Variants in CBX5 observed in about 807,000 individuals in gnomAD.
The protein encoded by CBX5 is chromobox protein homolog 5.
A neutral mutation model predicts 20.7 loss-of-function variants in CBX5; 7 were observed. The ratio of observed to expected loss-of-function variants is 0.34; its 90% CI spans 0.19 to 0.63. The LOEUF (loss-of-function observed/expected upper bound fraction) is 0.63. Ranked by LOEUF, CBX5 falls within the 30% of genes least tolerant of loss-of-function variation. The pLI, the probability that CBX5 is intolerant of heterozygous loss-of-function variation, is 0.75. For synonymous variants in CBX5, 78 were observed against 77.0 expected (o/e 1.01, Z -0.07); for missense variants, 110 against 224.1 (o/e 0.49, Z 3.25).
intron 2 of CBX5, 76 bp from the exon 3 acceptor site, chr12:54,252,303 T>A: frequency 9.9e-7 from 1 of 1,005,412 alleles, no homozygotes. Flanking sequence ...ATGCCTTATT[T>A]CAAAGAGGAC....
rs1461757098 is a variant in CBX5 at position 54,240,004 on chromosome 12, T to C, written c.*1751A>G. ...ATAATCTAGAAATGGTAGATGCTCC[T>C]GGCCAGACAGCTGTATGTTTTAAAA... is the stretch of plus-strand genomic sequence containing the variant. On this transcript the variant is annotated 3_prime_UTR_variant, in exon 5 of 5. Coordinates refer to ENST00000209875, the MANE Select transcript of CBX5 (RefSeq NM_012117.3). 2 of 152,226 alleles carry C rather than the reference T, an allele frequency of 1.3e-5. No homozygotes were observed. The highest frequency in any genetic ancestry group is 3.8e-4 in the East Asian group (2 of 5,196). The allele number at this position is 152,226 out of a possible 1,614,324, so 9.4% of individuals were successfully genotyped here.
chr12:54,236,862 A>G lies in CBX5; in HGVS notation c.*4893T>C, dbSNP rs1212889330. On this transcript the variant is annotated 3_prime_UTR_variant, in exon 5 of 5. Transcript: ENST00000209875. ...CACTGTACCTTAGGAAAGCTGGGGT[A>G]AACTACAGATTCAACAAAATCTCAA... 1 of 152,216 alleles carries G rather than the reference A, an allele frequency of 6.6e-6. No homozygotes were observed. The highest frequency in any genetic ancestry group is 1.5e-5 in the Non-Finnish European group (1 of 68,050). The allele number at this position is 152,216 out of a possible 1,614,324, so 9.4% of individuals were successfully genotyped here.
chr12:54,231,471 A>G lies in CBX5; in HGVS notation c.*10284T>C, dbSNP rs1173212278. 5 of 154,700 alleles carry G rather than the reference A, an allele frequency of 3.2e-5. No homozygotes were observed. The highest frequency in any genetic ancestry group is 1.2e-4 in the African/African-American group (5 of 41,534). 9.6% of individuals were successfully genotyped at this position (154,700 alleles called of 1,614,324 possible). Reference sequence around the variant, plus strand: ...CTAGTGCTGGGTGAACAGTGAGAGCAGAGTCCACAAAACACAGAGAACCAG... The same window carrying G: ...CTAGTGCTGGGTGAACAGTGAGAGCGGAGTCCACAAAACACAGAGAACCAG... On this transcript the variant is annotated 3_prime_UTR_variant, in exon 5 of 5. Coordinates refer to ENST00000209875, the MANE Select transcript of CBX5 (RefSeq NM_012117.3).
rs576634832 is a variant in CBX5 at position 54,230,979 on chromosome 12, A to G, written c.*10776T>C. The G allele has an allele frequency of 6.6e-6, 1 of 152,348 alleles. No individual in the cohort carries two copies. The highest frequency in any genetic ancestry group is 6.5e-5 in the Admixed American group (1 of 15,300). The allele number at this position is 152,348 out of a possible 1,614,324, so 9.4% of individuals were successfully genotyped here. On this transcript the variant is annotated 3_prime_UTR_variant, in exon 5 of 5. Coordinates refer to ENST00000209875, the MANE Select transcript of CBX5 (RefSeq NM_012117.3). ...GCAACCATTTATTAGAACCAATACA[A>G]GAGTATGAAAAGGGGGAAAAGAGGA...
intron 1 of CBX5, among the ~76,000 whole-genome samples, chr12:54,261,172 CA>C (rs1943913006): frequency 8.1e-6 from 1 of 123,080 alleles, no homozygotes; most frequent in Non-Finnish European, 1.6e-5. Context: ...GCCTGAGCAA[CA>C]AGAGCGAAAC....
chr12:54,261,189 C>CA (rs1187762152), intron 1 of CBX5, among the ~76,000 whole-genome samples: 895 of 64,408 alleles, frequency 0.014, 6 homozygotes, highest in African/African-American at 0.044. Flanking sequence ...GAAACCGTCT[C>CA]AAAAAAAAAA....
At chr12:54,261,771 C>T (rs1943917375) in intron 1 of CBX5, among the ~76,000 whole-genome samples, 1 of 152,088 alleles carries the variant, frequency 6.6e-6, no homozygotes, top group Non-Finnish European at 1.5e-5. Context: ...ATGTGTTATC[C>T]TGAGTAAATA....
At chr12:54,276,079 C>A (rs1018798916) in intron 1 of CBX5, among the ~76,000 whole-genome samples, 1 of 150,428 alleles carries the variant, frequency 6.6e-6, no homozygotes, top group Non-Finnish European at 1.5e-5. Context: ...TGAGACTTCA[C>A]AATAAAACAA....
intron 4 of CBX5, among the ~76,000 whole-genome samples, chr12:54,242,397 C>T (rs1246200188): frequency 4.6e-5 from 7 of 151,972 alleles, no homozygotes; most frequent in Admixed American, 1.3e-4. Flanking sequence ...TGGTGGCGGG[C>T]GCCTGTAGTC....
intron 1 of CBX5, chr12:54,273,878 G>A (rs1389197779): frequency 6.6e-6 from 1 of 152,086 alleles, no homozygotes; most frequent in Non-Finnish European, 1.5e-5. Context: ...TACATAGGGG[G>A]AATAAAATTT....
intron 1 of CBX5, among the ~76,000 whole-genome samples, chr12:54,278,200 G>C (rs1478180329): frequency 6.6e-6 from 1 of 152,180 alleles, no homozygotes; most frequent in East Asian, 1.9e-4. Context: ...CTATGCACAG[G>C]ACACTCCGAG....
intron 1 of CBX5, among the ~76,000 whole-genome samples, chr12:54,278,264 A>C (rs1223738889): frequency 6.6e-6 from 1 of 152,230 alleles, no homozygotes; most frequent in Non-Finnish European, 1.5e-5. Context: ...TAATGCTGAG[A>C]AACCTTGCTG....
intron 3 of CBX5, among the ~76,000 whole-genome samples, chr12:54,246,740 C>A (rs1179548139): frequency 6.9e-6 from 1 of 145,366 alleles, no homozygotes; most frequent in Non-Finnish European, 1.5e-5. Flanking sequence ...GAGACCGCAC[C>A]ACTGCATTCC....
intron 4 of CBX5, among the ~76,000 whole-genome samples, chr12:54,244,968 G>A (rs1943719554): frequency 6.6e-6 from 1 of 151,744 alleles, no homozygotes; most frequent in Non-Finnish European, 1.5e-5. Flanking sequence ...ATTCAGAACT[G>A]TGTAAACAAG....
intron 1 of CBX5, among the ~76,000 whole-genome samples, chr12:54,276,251 T>C (rs1052984761): frequency 2.0e-5 from 3 of 152,180 alleles, no homozygotes; most frequent in African/African-American, 7.2e-5. Flanking sequence ...AAACCCATCA[T>C]AGGTTGAAAA....
intron 1 of CBX5, among the ~76,000 whole-genome samples, chr12:54,271,246 A>C (rs1428144294): frequency 6.6e-6 from 1 of 152,208 alleles, no homozygotes; most frequent in Non-Finnish European, 1.5e-5. Context: ...CCGTTTCCTT[A>C]CTGATTTCAT....
At chr12:54,263,153 G>A (rs1036768319) in intron 1 of CBX5, among the ~76,000 whole-genome samples, 1 of 152,108 alleles carries the variant, frequency 6.6e-6, no homozygotes, top group Non-Finnish European at 1.5e-5. Flanking sequence ...CTGAGGTCAG[G>A]AGTTCCAGAC....
chr12:54,263,599 G>T (rs1368708366), intron 1 of CBX5, among the ~76,000 whole-genome samples: 1 of 150,368 alleles, frequency 6.7e-6, no homozygotes, highest in African/African-American at 2.4e-5. Context: ...GTCAGGCGTG[G>T]TGTAATCCCA....
intron 1 of CBX5, among the ~76,000 whole-genome samples, chr12:54,261,805 C>G (rs1011451149): frequency 6.6e-6 from 1 of 152,192 alleles, no homozygotes; most frequent in Non-Finnish European, 1.5e-5. Context: ...ACCCCGGCAT[C>G]ATTTAAACGG....
Sources: gnomAD v4.1 joint callset for allele counts (sites outside exome capture counted in the v4.1 genomes callset) on GRCh38, gnomAD v4.1.1 for gene constraint, MANE v1.5 for transcripts, NCBI Gene and HGNC (gene_info 2026-07-23, HGNC 2026-07-21) for gene names.